Variants in FBXL2 observed in about 807,000 individuals in gnomAD.
The protein encoded by FBXL2 is F-box/LRR-repeat protein 2.
In FBXL2, 38 loss-of-function variants were observed where a neutral mutation model predicts 69.2. The ratio of observed to expected loss-of-function variants is 0.55; its 90% CI spans 0.42 to 0.72. FBXL2 has a LOEUF of 0.72. Ranked by LOEUF, FBXL2 falls within the 30% of genes least tolerant of loss-of-function variation. The pLI is 0.00. For missense variants in FBXL2, 354 were observed against 520.3 expected (o/e 0.68, Z 3.11); for synonymous variants, 192 against 201.3 (o/e 0.95, Z 0.39).
At chr3:33,349,931 C>G (rs747272500) in intron 2 of FBXL2, among the ~76,000 whole-genome samples, 1 of 151,988 alleles carries the variant, frequency 6.6e-6, no homozygotes, top group Non-Finnish European at 1.5e-5. Context: ...GCACCAGACC[C>G]GGATGGTGGT....
At chr3:33,327,463 C>T (rs1389538281) in intron 2 of FBXL2, among the ~76,000 whole-genome samples, 3 of 152,118 alleles carry the variant, frequency 2.0e-5, no homozygotes, top group Non-Finnish European at 2.9e-5. Flanking sequence ...TATCTATCTA[C>T]CTATAAAAGA....
intron 12 of FBXL2, chr3:33,396,736 A>G: frequency 3.6e-6 from 2 of 560,010 alleles, no homozygotes; most frequent in South Asian, 3.1e-5. Context: ...TAGATTCTGT[A>G]TAGCTCACCT....
At chr3:33,396,166 G>A (rs774167113) in intron 12 of FBXL2, 1 of 1,576,210 alleles carries the variant, frequency 6.3e-7, no homozygotes, top group Non-Finnish European at 8.7e-7. Context: ...ACCTACCATA[G>A]GGTGCCCCAC....
chr3:33,351,714 C>A (rs1014966899), intron 2 of FBXL2, among the ~76,000 whole-genome samples: 2 of 151,972 alleles, frequency 1.3e-5, no homozygotes, highest in Non-Finnish European at 2.9e-5. Context: ...AAAATGGTAC[C>A]GCCAGTTTAG....
intron 13 of FBXL2, 58 bp from the exon 14 acceptor site, chr3:33,383,931 G>A: frequency 6.4e-7 from 1 of 1,552,204 alleles, no homozygotes; most frequent in Non-Finnish European, 8.9e-7. Flanking sequence ...CTTTTTTTTA[G>A]GACTTGAGCC....
At chr3:33,305,739 CA>C (rs2036658272) in intron 2 of FBXL2, among the ~76,000 whole-genome samples, 1 of 151,794 alleles carries the variant, frequency 6.6e-6, no homozygotes, top group African/African-American at 2.4e-5. Context: ...TAGTATTTTT[CA>C]AGCTTTTTTT....
intron 1 of FBXL2, among the ~76,000 whole-genome samples, chr3:33,292,888 A>G (rs866489738): frequency 2.6e-5 from 4 of 152,252 alleles, no homozygotes; most frequent in African/African-American, 4.8e-5. Flanking sequence ...AAATTGTTAC[A>G]TGAGACAAAG....
At chr3:33,397,320 C>T in intron 12 of FBXL2, 1 of 470,112 alleles carries the variant, frequency 2.1e-6, no homozygotes. Flanking sequence ...AAAATGCTGG[C>T]TTTTCCATGT....
intron 12 of FBXL2, among the ~76,000 whole-genome samples, chr3:33,398,749 C>T (rs1473203428): frequency 6.6e-6 from 1 of 152,178 alleles, no homozygotes; most frequent in African/African-American, 2.4e-5. Context: ...CATGGATTTG[C>T]CTGATGTAAA....
chr3:33,371,591 T>G (rs1486379446), intron 5 of FBXL2, among the ~76,000 whole-genome samples: 1 of 152,206 alleles, frequency 6.6e-6, no homozygotes, highest in Non-Finnish European at 1.5e-5. Flanking sequence ...TTTTAATACC[T>G]TTGTTGTTTA....
chr3:33,406,182 G>A (rs1384124848), downstream of FBXL2, among the ~76,000 whole-genome samples: 1 of 152,192 alleles, frequency 6.6e-6, no homozygotes, highest in Non-Finnish European at 1.5e-5. Flanking sequence ...AGAAGTCTGA[G>A]GCAGGAGGAC....
the FBXL2 span, among the ~76,000 whole-genome samples, chr3:33,410,619 G>A: frequency 6.6e-6 from 1 of 152,108 alleles, no homozygotes; most frequent in Non-Finnish European, 1.5e-5. Context: ...TACCTACCTG[G>A]TAGTTTAAAT....
At chr3:33,394,821 T>G (rs912325576) in intron 12 of FBXL2, among the ~76,000 whole-genome samples, 8 of 130,948 alleles carry the variant, frequency 6.1e-5, no homozygotes, top group South Asian at 2.5e-4. Context: ...CCACTTGTTT[T>G]TTTTTTTTTT....
intron 2 of FBXL2, among the ~76,000 whole-genome samples, chr3:33,301,317 A>G (rs932792868): frequency 6.6e-5 from 10 of 152,072 alleles, no homozygotes; most frequent in Non-Finnish European, 8.8e-5. Context: ...AGACAGACCT[A>G]TTTGCTTTCA....
intron 2 of FBXL2, among the ~76,000 whole-genome samples, chr3:33,322,936 C>T (rs2038362562): frequency 6.6e-6 from 1 of 152,168 alleles, no homozygotes; most frequent in Non-Finnish European, 1.5e-5. Context: ...CACAGTCTTG[C>T]TGTATCTCCC....
chr3:33,337,949 C>A (rs931351024), intron 2 of FBXL2, among the ~76,000 whole-genome samples: 36 of 152,106 alleles, frequency 2.4e-4, no homozygotes, highest in African/African-American at 8.7e-4. Flanking sequence ...CAAAACACTG[C>A]TGAAAGAAAT....
chr3:33,401,404 AT>A (rs2044224427), intron 12 of FBXL2, among the ~76,000 whole-genome samples: 1 of 152,260 alleles, frequency 6.6e-6, no homozygotes, highest in Admixed American at 6.5e-5. Flanking sequence ...TGCAAAAAAA[AT>A]GAGCTACAAG....
Position 33,304,258 on chromosome 3 carries a change from T to C in FBXL2, c.65+6533T>C, listed in dbSNP as rs191501804. On this transcript the variant is annotated intron_variant, in intron 2 of 14. Coordinates refer to ENST00000484457, the MANE Select transcript of FBXL2 (RefSeq NM_012157.5). ...TTGTAGTATAAGGAATGTACATAAA[T>C]GCTGCCCCTCCTCATTCCCCACCAT... Among the ~76,000 whole-genome samples the C allele has an allele frequency of 5.1e-4, 77 of 152,216 alleles. 1 individual carries two copies. Among genetic ancestry groups the C allele is most frequent in the Non-Finnish European group, 5.0e-4 (34 of 67,958 alleles).
intron 9 of FBXL2, 40 bp downstream of exon 9, chr3:33,373,961 TTGTC>T: frequency 6.2e-7 from 1 of 1,604,236 alleles, no homozygotes; most frequent in Non-Finnish European, 8.5e-7. Context: ...TTGCTCTATC[TTGTC>T]TCCCAAAGCA....
Sources: allele counts gnomAD v4.1 joint callset (sites outside exome capture counted in the v4.1 genomes callset), GRCh38; gene constraint gnomAD v4.1.1; transcripts MANE v1.5; gene names NCBI Gene and HGNC (gene_info 2026-07-23, HGNC 2026-07-21).